SLC44A5: variants seen among roughly 807,000 people sequenced by gnomAD.
SLC44A5 encodes the protein choline transporter-like protein 5.
In SLC44A5, 57 loss-of-function variants were observed where a neutral mutation model predicts 101.8. That is an observed-to-expected ratio of 0.56 (90% CI 0.45 to 0.70). SLC44A5 has a LOEUF of 0.70. SLC44A5 is among the 30% of genes least tolerant of loss of function. SLC44A5 has a pLI of 0.00. For missense variants in SLC44A5, 737 were observed against 853.1 expected, an observed-to-expected ratio of 0.86 and a Z score of 1.70; for synonymous variants, 281 against 290.9, an observed-to-expected ratio of 0.97 and a Z score of 0.35.
At chr1:75,510,293 T>G (rs1272582214) in intron 2 of SLC44A5, among the ~76,000 whole-genome samples, 2 of 151,650 alleles carry the variant, frequency 1.3e-5, no homozygotes, top group Non-Finnish European at 2.9e-5. Flanking sequence ...CCTTGAAGAG[T>G]CCTAAAATGC....
intron 19 of SLC44A5, among the ~76,000 whole-genome samples, chr1:75,215,518 T>G (rs1404438483): frequency 6.6e-6 from 1 of 152,000 alleles, no homozygotes; most frequent in East Asian, 1.9e-4. Context: ...GTTTCCAAAG[T>G]GTGTAATATT....
At chr1:75,443,907 T>A (rs1329031474) in intron 2 of SLC44A5, among the ~76,000 whole-genome samples, 3 of 152,106 alleles carry the variant, frequency 2.0e-5, no homozygotes, top group African/African-American at 7.2e-5. Flanking sequence ...ATAAATGTTA[T>A]TTTCACAGTA....
intron 1 of SLC44A5, among the ~76,000 whole-genome samples, chr1:75,564,864 C>T (rs1209363701): frequency 6.6e-6 from 1 of 152,102 alleles, no homozygotes; most frequent in African/African-American, 2.4e-5. Flanking sequence ...CCTCATGATC[C>T]ACCCACCTCG....
intron 2 of SLC44A5, among the ~76,000 whole-genome samples, chr1:75,492,820 G>C (rs1668492660): frequency 6.6e-6 from 1 of 152,098 alleles, no homozygotes; most frequent in African/African-American, 2.4e-5. Flanking sequence ...CTACCCCTTG[G>C]CCTGACCACA....
At chr1:75,487,407 T>G (rs760329302) in intron 2 of SLC44A5, among the ~76,000 whole-genome samples, 18 of 152,184 alleles carry the variant, frequency 1.2e-4, no homozygotes, top group Non-Finnish European at 2.4e-4. Flanking sequence ...AAACCACATC[T>G]ATAGTAGCTC....
chr1:75,213,892 T>TTTA, intron 21 of SLC44A5, 27 bp downstream of exon 21: 1 of 1,547,534 alleles, frequency 6.5e-7, no homozygotes, highest in African/African-American at 1.4e-5. Context: ...AACTTTTTTT[T>TTTA]TTATTATTTT....
the SLC44A5 span, among the ~76,000 whole-genome samples, chr1:75,720,872 C>CG: frequency 1.2e-5 from 1 of 86,222 alleles, no homozygotes; most frequent in South Asian, 3.8e-4. Context: ...GGGGGGTAGG[C>CG]GGGGGGAGGT....
intron 2 of SLC44A5, among the ~76,000 whole-genome samples, chr1:75,511,410 C>G (rs865844125): frequency 5.3e-5 from 8 of 151,966 alleles, no homozygotes; most frequent in African/African-American, 1.7e-4. Flanking sequence ...TATGGATGGG[C>G]AGGGGTATTG....
chr1:75,462,419 C>T (rs1403210962), intron 2 of SLC44A5, among the ~76,000 whole-genome samples: 1 of 152,134 alleles, frequency 6.6e-6, no homozygotes, highest in Non-Finnish European at 1.5e-5. Context: ...AAGACTGGTA[C>T]AAGAAAGCCC....
At chr1:75,366,316 C>G (rs1249847) in intron 3 of SLC44A5, among the ~76,000 whole-genome samples, 1 of 151,850 alleles carries the variant, frequency 6.6e-6, no homozygotes, top group South Asian at 2.1e-4. Flanking sequence ...TTTTTGGAGC[C>G]TTTTTTTCAG....
At chr1:75,444,307 ACT>A (rs2050903155) in intron 2 of SLC44A5, among the ~76,000 whole-genome samples, 1 of 146,562 alleles carries the variant, frequency 6.8e-6, no homozygotes, top group South Asian at 2.2e-4. Context: ...ACAAAACAAA[ACT>A]CTGTCAAAAA....
In SLC44A5 at chr1:75,388,499, G is replaced by A. The variant is rs116490044; in HGVS notation, c.52+8084C>T. ...CAACAGGATCAAAACCTCACATATCGTCCATGTGCAGTGGCTCATGCCTGT... is the reference window on the plus strand; with the variant it reads ...CAACAGGATCAAAACCTCACATATCATCCATGTGCAGTGGCTCATGCCTGT... On this transcript the variant is annotated intron_variant, in intron 3 of 23. Transcript: ENST00000370859. Among the ~76,000 whole-genome samples, 1,437 of 152,110 alleles carry A rather than the reference G, an allele frequency of 9.4e-3. 23 individuals are homozygous for A. The highest frequency in any genetic ancestry group is 0.033 in the African/African-American group (1,352 of 41,512).
chr1:75,462,247 A>G (rs1207120274), intron 2 of SLC44A5, among the ~76,000 whole-genome samples: 1 of 152,202 alleles, frequency 6.6e-6, no homozygotes, highest in East Asian at 1.9e-4. Context: ...CTGCCTGGTA[A>G]TCCAAAGAAT....
At position 75,542,429 on chromosome 1, in the gene SLC44A5, A is replaced by C. The variant is rs528700626; in HGVS notation, c.-69-913T>G. ...TAATGTCCAAGTAATGTCATACTACATAAATGAATATTTTAATTAATTATT... is the reference window on the plus strand; with the variant it reads ...TAATGTCCAAGTAATGTCATACTACCTAAATGAATATTTTAATTAATTATT... On this transcript the variant is annotated intron_variant, in intron 1 of 23. Transcript: ENST00000370859. Among the ~76,000 whole-genome samples the C allele has an allele frequency of 5.3e-5, 8 of 152,286 alleles. No homozygotes were observed. The East Asian group carries it at 1.5e-3, about 29-fold the overall frequency.
rs578039023 is a variant in SLC44A5, at chr1:75,490,036, A to G, written c.13+51399T>C. Reference sequence around the variant, plus strand: ...TTTCAGCTCCACATGAAGATGTTAAATTGTAAAATTAAAAAAAAATAAAGT... The same window carrying G: ...TTTCAGCTCCACATGAAGATGTTAAGTTGTAAAATTAAAAAAAAATAAAGT... On this transcript the variant is annotated intron_variant, in intron 2 of 23. Coordinates refer to ENST00000370859, the MANE Select transcript of SLC44A5 (RefSeq NM_001130058.2). Among the ~76,000 whole-genome samples, 5 of 141,526 alleles carry G rather than the reference A, an allele frequency of 3.5e-5. No homozygotes were observed. In the East Asian group the frequency reaches 9.9e-4, roughly 28 times the overall value. The allele number at this position is 141,526 out of a possible 152,430, so 92.8% of individuals were successfully genotyped here.
chr1:75,428,529 G>A (rs999219962), intron 2 of SLC44A5, among the ~76,000 whole-genome samples: 6 of 152,166 alleles, frequency 3.9e-5, no homozygotes, highest in Admixed American at 1.3e-4. Flanking sequence ...GAGTGCAAAT[G>A]TGATCCGATC....
intron 6 of SLC44A5, among the ~76,000 whole-genome samples, chr1:75,263,984 G>A (rs930521095): frequency 2.6e-5 from 4 of 152,050 alleles, no homozygotes; most frequent in Non-Finnish European, 2.9e-5. Flanking sequence ...CTGTTGGGGG[G>A]TTGCGGCTTA....
chr1:75,569,252 T>C lies in SLC44A5; in HGVS notation c.-69-27736A>G, dbSNP rs547658465. Among the ~76,000 whole-genome samples, 952 of 150,896 alleles carry C rather than the reference T, an allele frequency of 6.3e-3. 12 individuals are homozygous for C. Among genetic ancestry groups the C allele is most frequent in the African/African-American group, 0.023 (927 of 40,934 alleles). On this transcript the variant is annotated intron_variant, in intron 1 of 23. Coordinates refer to ENST00000370859, the MANE Select transcript of SLC44A5 (RefSeq NM_001130058.2). ...TTCATCTCTACCTTTTTTTTTTTTT[T>C]TTTTTTGAGACAGGGTCTCTGTTTG...
intron 1 of SLC44A5, among the ~76,000 whole-genome samples, chr1:75,597,059 T>C (rs1674677807): frequency 6.6e-6 from 1 of 151,806 alleles, no homozygotes; most frequent in East Asian, 1.9e-4. Flanking sequence ...ATGGTGGCGC[T>C]TGCCTGTAGT....
Sources: allele counts gnomAD v4.1 joint callset (sites outside exome capture counted in the v4.1 genomes callset), GRCh38; gene constraint gnomAD v4.1.1; transcripts MANE v1.5; gene names NCBI Gene and HGNC (gene_info 2026-07-23, HGNC 2026-07-21).